Variants in ALKBH6 observed in about 807,000 individuals in gnomAD.
The protein encoded by ALKBH6 is probable RNA/DNA demethylase ALKBH6.
In ALKBH6, 20 loss-of-function variants were observed where a neutral mutation model predicts 25.1. The ratio of observed to expected loss-of-function variants is 0.80; its 90% confidence interval spans 0.56 to 1.16. The LOEUF (loss-of-function observed/expected upper bound fraction) is 1.16, where lower values mean the gene tolerates loss of function less well. Ranked by LOEUF, ALKBH6 falls within the 50% of genes most tolerant of loss-of-function variation. The pLI is 0.00. For synonymous variants in ALKBH6, 156 were observed against 147.5 expected (o/e 1.06, Z -0.42); for missense variants, 263 against 326.5 (o/e 0.81, Z 1.50).
At position 36,010,930 on chromosome 19, in the gene ALKBH6, GAC is replaced by G; in HGVS notation, c.298_299del (p.Val100ProfsTer47). ...SLFGGLPANH[V>X]LVNQYLPGEG... ...CCCCAGGCAGATACTGGTTCACGAG[GAC>G]ATGGTTAGCTGGGAGGCCTCCAAAG... On this transcript the variant is annotated frameshift_variant, in exon 5 of 7. Transcript: ENST00000378875. LOFTEE classifies it high-confidence loss of function. The surrounding 1 kb of genome is among the most constrained non-coding windows in gnomAD (Gnocchi z 5.5). The G allele has an allele frequency of 6.2e-7, 1 of 1,614,046 alleles. No homozygotes were observed. Among genetic ancestry groups the G allele is most frequent in the South Asian group, 1.1e-5 (1 of 91,086 alleles).
intron 3 of ALKBH6, chr19:36,011,814 G>C (rs780526206): frequency 5.3e-6 from 1 of 190,258 alleles, no homozygotes; most frequent in South Asian, 1.0e-4. Context: ...TGCCAAACCT[G>C]GTTGCTCATG....
chr19:36,009,604 G>T, intron 6 of ALKBH6, 51 bp from the exon 7 acceptor site: 13 of 1,114,706 alleles, frequency 1.2e-5, no homozygotes, highest in Non-Finnish European at 1.5e-5. Context: ...GGGGGTGGGG[G>T]TGGGCGAGAG....
chr19:36,013,949 G>T lies in ALKBH6; in HGVS notation c.-26+226C>A. On this transcript the variant is annotated intron_variant, in intron 1 of 6. Coordinates refer to ENST00000378875, the MANE Select transcript of ALKBH6 (RefSeq NM_032878.5). This position sits in a 1 kb window ranked among gnomAD's most constrained non-coding sequence, Gnocchi z 4.6. ...GGATCCCCCCATTTGGACGCCCCTC[G>T]GATTTCCCCTCCTGAGCGCCCCTTC... 1 of 1,366,150 alleles carries T rather than the reference G, an allele frequency of 7.3e-7. No individual in the cohort carries two copies. 84.6% of individuals were successfully genotyped at this position (1,366,150 alleles called of 1,614,324 possible).
chr19:36,011,488 TC>T (rs1348908829), intron 3 of ALKBH6, 24 bp from the exon 4 acceptor site: 1 of 1,613,074 alleles, frequency 6.2e-7, no homozygotes, highest in Non-Finnish European at 8.5e-7. Flanking sequence ...AGGGGGTCAC[TC>T]CTTTCTCAGG....
Position 36,014,107 on chromosome 19 carries a change from C to T in ALKBH6, c.-26+68G>A, listed in dbSNP as rs1276613338. On this transcript the variant is annotated intron_variant, in intron 1 of 6. Coordinates refer to ENST00000378875, the MANE Select transcript of ALKBH6 (RefSeq NM_032878.5). ...AGCCTCCTCGGACTCCTACTCTGGGCTCCCCCGGATCCCCACTTTCAGCCC... is the reference window on the plus strand; with the variant it reads ...AGCCTCCTCGGACTCCTACTCTGGGTTCCCCCGGATCCCCACTTTCAGCCC... 8.8e-6 allele frequency: 14 copies of T among 1,599,632 alleles called. No individual in the cohort carries two copies. The South Asian group carries it at 1.2e-4, about 14-fold the overall frequency.
chr19:36,010,873 G>C lies in ALKBH6; in HGVS notation c.336+21C>G. The C allele has an allele frequency of 6.2e-7, 1 of 1,613,364 alleles. No homozygotes were observed. Among genetic ancestry groups the C allele is most frequent in the Non-Finnish European group, 8.5e-7 (1 of 1,179,632 alleles). On this transcript the variant is annotated intron_variant, in intron 5 of 6. Coordinates refer to ENST00000378875, the MANE Select transcript of ALKBH6 (RefSeq NM_032878.5). The surrounding 1 kb of genome is among the most constrained non-coding windows in gnomAD (Gnocchi z 5.5). ...CTCAGAAGTCTGAGTGGGGGGACACGGGCCGAGGGTGTGTGGTTACCATGA... is the reference window on the plus strand; with the variant it reads ...CTCAGAAGTCTGAGTGGGGGGACACCGGCCGAGGGTGTGTGGTTACCATGA...
rs1235137780 is a variant in ALKBH6, at chr19:36,010,018, C to T, written c.454-465G>A. Among the ~76,000 whole-genome samples, 3 of 152,144 alleles carry T rather than the reference C, an allele frequency of 2.0e-5. No individual in the cohort carries two copies. The highest frequency in any genetic ancestry group is 6.5e-5 in the Admixed American group (1 of 15,284). On this transcript the variant is annotated intron_variant, in intron 6 of 6. Coordinates refer to ENST00000378875, the MANE Select transcript of ALKBH6 (RefSeq NM_032878.5). This position sits in a 1 kb window ranked among gnomAD's most constrained non-coding sequence, Gnocchi z 5.5. ...ATCAGGACATTAGAGGACAACCGCA[C>T]AGCTGAGGGAGTGTCAGAGCATCCA...
intron 4 of ALKBH6, 92 bp from the exon 5 acceptor site, chr19:36,011,137 C>T (rs966555294): frequency 6.6e-7 from 1 of 1,504,522 alleles, no homozygotes. Flanking sequence ...CTGATCCTCT[C>T]AGGGACCCCT....
intron 1 of ALKBH6, 124 bp downstream of exon 1, chr19:36,014,051 G>A (rs1968707791): frequency 6.6e-6 from 10 of 1,526,328 alleles, no homozygotes; most frequent in East Asian, 2.5e-5. Flanking sequence ...TCAGATCCCC[G>A]ACTCCGAGCC....
intron 3 of ALKBH6, 149 bp downstream of exon 3, chr19:36,012,868 GCTAT>G: frequency 1.4e-6 from 1 of 739,922 alleles, no homozygotes; most frequent in East Asian, 2.5e-5. Flanking sequence ...GCAGGATTGG[GCTAT>G]CTCAGTAGAG....
rs1968558655 is a variant in ALKBH6 at position 36,010,267 on chromosome 19, C to T, written c.453+300G>A. Reference sequence around the variant, plus strand: ...TAGAGCATCTGGGAGGAGGTGAGGCCCCCCGAGTTAATGGCGGTGGGGTAT... The same window carrying T: ...TAGAGCATCTGGGAGGAGGTGAGGCTCCCCGAGTTAATGGCGGTGGGGTAT... On this transcript the variant is annotated intron_variant, in intron 6 of 6. Transcript: ENST00000378875. The surrounding 1 kb of genome is among the most constrained non-coding windows in gnomAD (Gnocchi z 5.5). 2.8e-6 allele frequency: 1 copy of T among 356,610 alleles called. No homozygotes were observed. The allele number at this position is 356,610 out of a possible 1,614,324, so 22.1% of individuals were successfully genotyped here.
rs550687961 is a variant in ALKBH6, at chr19:36,013,590, T to G, written c.-25-168A>C. On this transcript the variant is annotated intron_variant, in intron 1 of 6. Coordinates refer to ENST00000378875, the MANE Select transcript of ALKBH6 (RefSeq NM_032878.5). The surrounding 1 kb of genome is among the most constrained non-coding windows in gnomAD (Gnocchi z 4.6). Reference sequence around the variant, plus strand: ...TCTTACAAGCCACACAGAGAGCCCCTACGTTCCATGCCCGGACACAATGAG... The same window carrying G: ...TCTTACAAGCCACACAGAGAGCCCCGACGTTCCATGCCCGGACACAATGAG... 7.0e-7 allele frequency: 1 copy of G among 1,429,964 alleles called. No individual in the cohort carries two copies. The highest frequency in any genetic ancestry group is 2.6e-5 in the East Asian group (1 of 39,108). The allele number at this position is 1,429,964 out of a possible 1,614,324, so 88.6% of individuals were successfully genotyped here.
At chr19:36,014,015 C>CA (rs1251477670) in intron 1 of ALKBH6, 160 bp downstream of exon 1, 41 of 1,445,648 alleles carry the variant, frequency 2.8e-5, no homozygotes, top group Non-Finnish European at 3.4e-5. Flanking sequence ...GGCTGACTCC[C>CA]AAATCTTCTT....
At chr19:36,011,651 C>T (rs1599685520) in intron 3 of ALKBH6, 187 bp from the exon 4 acceptor site, 1 of 584,294 alleles carries the variant, frequency 1.7e-6, no homozygotes, top group East Asian at 3.0e-5. Flanking sequence ...CGCCTTTGGC[C>T]CCAAAGCCCA....
intron 1 of ALKBH6, 144 bp downstream of exon 1, chr19:36,014,031 C>G: frequency 8.7e-6 from 13 of 1,499,064 alleles, no homozygotes; most frequent in Non-Finnish European, 1.1e-5. Context: ...TTCTTCCCTC[C>G]CTGAACCATT....
chr19:36,009,536 C>T lies in ALKBH6; in HGVS notation c.471G>A (p.Arg157=). ...GTTCCAGCAGTAGCGAGGTGGTGGG[C>T]CGGGGCGGAGGCCGAGGCTGCAGGG... The part of the protein sequence containing the change: ...DPTEQPRPPP[R]PTTSLLLEPR... The change falls in exon 7 of 7, where the codon CGG becomes CGA. Residue 157 remains arginine (R), a synonymous_variant. Transcript: ENST00000378875. 9.2e-7 allele frequency: 1 copy of T among 1,088,422 alleles called. No individual in the cohort carries two copies. Among genetic ancestry groups the T allele is most frequent in the Admixed American group, 5.0e-5 (1 of 20,160 alleles). 67.4% of individuals were successfully genotyped at this position (1,088,422 alleles called of 1,614,324 possible).
intron 3 of ALKBH6, chr19:36,011,871 A>G: frequency 6.2e-6 from 1 of 162,464 alleles, no homozygotes; most frequent in South Asian, 1.6e-4. Context: ...AGATCACTTG[A>G]GGTCAGGAGC....
In ALKBH6 at chr19:36,013,138, G is replaced by GGA. The variant is rs1968662268; in HGVS notation, c.55-51_55-50dup. The GGA allele has an allele frequency of 1.9e-6, 3 of 1,565,190 alleles. No homozygotes were observed. Among genetic ancestry groups the GGA allele is most frequent in the Non-Finnish European group, 2.6e-6 (3 of 1,135,984 alleles). ...GGTGTGGCCCTTCAACCCACACAGA[G>GGA]GACATATCATCACAGAGCAACCCCT... On this transcript the variant is annotated intron_variant, in intron 2 of 6. Transcript: ENST00000378875. This position sits in a 1 kb window ranked among gnomAD's most constrained non-coding sequence, Gnocchi z 4.6.
At chr19:36,011,578 G>T in intron 3 of ALKBH6, 114 bp from the exon 4 acceptor site, 1 of 1,162,080 alleles carries the variant, frequency 8.6e-7, no homozygotes, top group Non-Finnish European at 1.3e-6. Context: ...ATCTGTGTCT[G>T]TGGGACCATT....
Sources: gnomAD v4.1 joint callset for allele counts (sites outside exome capture counted in the v4.1 genomes callset) on GRCh38, gnomAD v4.1.1 for gene constraint, Gnocchi (gnomAD v3.1) non-coding constraint, MANE v1.5 for transcripts, NCBI Gene and HGNC (gene_info 2026-07-23, HGNC 2026-07-21) for gene names.